Variants in SNX25 observed in about 807,000 individuals in gnomAD.
The protein encoded by SNX25 is sorting nexin-25.
A neutral mutation model predicts 113.7 loss-of-function variants in SNX25; 62 were observed. The ratio of observed to expected loss-of-function variants is 0.55; its 90% CI spans 0.44 to 0.67. The LOEUF (loss-of-function observed/expected upper bound fraction) is 0.67, where lower values mean the gene tolerates loss of function less well. Ranked by LOEUF, SNX25 falls within the 30% of genes least tolerant of loss-of-function variation. SNX25 has a pLI of 0.00. For missense variants in SNX25, 1,014 were observed against 1,161.0 expected (o/e 0.87, Z 1.84); for synonymous variants, 421 against 436.2 (o/e 0.97, Z 0.43).
At chr4:185,340,610 G>T (rs1331772484) in intron 11 of SNX25, among the ~76,000 whole-genome samples, 3 of 152,146 alleles carry the variant, frequency 2.0e-5, no homozygotes, top group African/African-American at 7.2e-5. Context: ...GAATGTAATG[G>T]CAAAAGCTGC....
chr4:185,264,339 A>T (rs1747746317), intron 3 of SNX25, 99 bp from the exon 4 acceptor site: 1 of 1,160,436 alleles, frequency 8.6e-7, no homozygotes, highest in Admixed American at 2.2e-5. Flanking sequence ...CAGTTACTAT[A>T]ACCAATGTGT....
intron 7 of SNX25, among the ~76,000 whole-genome samples, chr4:185,313,941 A>G (rs1437526333): frequency 6.6e-6 from 1 of 152,160 alleles, no homozygotes; most frequent in Non-Finnish European, 1.5e-5. Flanking sequence ...TAAGGAAGAG[A>G]AAATATTTTT....
At chr4:185,265,523 G>A (rs1353913676) in intron 4 of SNX25, among the ~76,000 whole-genome samples, 1 of 151,826 alleles carries the variant, frequency 6.6e-6, no homozygotes, top group Non-Finnish European at 1.5e-5. Flanking sequence ...ACTGGATGTT[G>A]CTCTGAGTGA....
At chr4:185,281,943 G>A (rs992660200) in intron 5 of SNX25, among the ~76,000 whole-genome samples, 2 of 152,102 alleles carry the variant, frequency 1.3e-5, no homozygotes, top group South Asian at 2.1e-4. Context: ...TTGAACCTGG[G>A]AGGTGGAAGT....
intron 1 of SNX25, among the ~76,000 whole-genome samples, chr4:185,216,669 G>A (rs906367549): frequency 4.6e-5 from 7 of 151,958 alleles, no homozygotes; most frequent in East Asian, 1.9e-4. Flanking sequence ...ATAGGCGCCC[G>A]CCACCACGCC....
At chr4:185,302,841 C>T (rs189669496) in intron 6 of SNX25, among the ~76,000 whole-genome samples, 28 of 152,324 alleles carry the variant, frequency 1.8e-4, no homozygotes, top group African/African-American at 6.7e-4. Context: ...AGTCCTTGAA[C>T]CTCCAGCACT....
At chr4:185,340,689 G>T (rs773530565) in intron 11 of SNX25, among the ~76,000 whole-genome samples, 8 of 152,084 alleles carry the variant, frequency 5.3e-5, no homozygotes, top group Non-Finnish European at 1.2e-4. Context: ...AGCTGGCCCT[G>T]ACACTTCACA....
intron 1 of SNX25, among the ~76,000 whole-genome samples, chr4:185,219,708 G>A (rs1372481394): frequency 2.6e-5 from 4 of 152,140 alleles, no homozygotes; most frequent in African/African-American, 9.7e-5. Context: ...CTGGGATCAA[G>A]CCAGGACTTT....
intron 1 of SNX25, among the ~76,000 whole-genome samples, chr4:185,233,830 C>G (rs937281652): frequency 6.6e-6 from 1 of 151,474 alleles, no homozygotes; most frequent in Non-Finnish European, 1.5e-5. Context: ...CTAATTCTTC[C>G]AATTGAATGG....
chr4:185,218,243 C>G (rs557783708), intron 1 of SNX25, among the ~76,000 whole-genome samples: 3 of 152,210 alleles, frequency 2.0e-5, no homozygotes, highest in Non-Finnish European at 4.4e-5. Flanking sequence ...CGCCATCAAG[C>G]CTGGCTAATT....
intron 5 of SNX25, among the ~76,000 whole-genome samples, chr4:185,275,285 G>T (rs533091252): frequency 6.6e-6 from 1 of 152,204 alleles, no homozygotes; most frequent in African/African-American, 2.4e-5. Flanking sequence ...GGGAATTTTA[G>T]TAATGGCTGA....
intron 5 of SNX25, among the ~76,000 whole-genome samples, chr4:185,286,124 G>GT (rs924746068): frequency 1.3e-5 from 2 of 150,216 alleles, no homozygotes; most frequent in African/African-American, 5.0e-5. Flanking sequence ...TTTGTTATGT[G>GT]TTTTTTAAAG....
intron 6 of SNX25, among the ~76,000 whole-genome samples, chr4:185,294,123 A>G (rs1560978480): frequency 6.6e-6 from 1 of 152,192 alleles, no homozygotes; most frequent in Non-Finnish European, 1.5e-5. Flanking sequence ...CTGACTTTAC[A>G]GAGGAGGGAA....
At chr4:185,338,344 C>T (rs368989734) in intron 10 of SNX25, among the ~76,000 whole-genome samples, 47 of 150,102 alleles carry the variant, frequency 3.1e-4, no homozygotes, top group African/African-American at 1.0e-3. Context: ...GGCACGATCT[C>T]GGCTCCCTGC....
In SNX25 at chr4:185,232,822, A is replaced by T. The variant is rs868411341; in HGVS notation, c.430-14472A>T. ...TACTTTAATATGTATGAACTTCAAA[A>T]TTCTCTTAGATTGGTTGTATACTTG... On this transcript the variant is annotated intron_variant, in intron 1 of 18. Coordinates refer to ENST00000652585, the MANE Select transcript of SNX25 (RefSeq NM_001378034.2). This position sits in a 1 kb window ranked among gnomAD's most constrained non-coding sequence, Gnocchi z 4.4. Among the ~76,000 whole-genome samples the T allele has an allele frequency of 2.4e-4, 37 of 152,320 alleles. No homozygotes were observed. The highest frequency in any genetic ancestry group is 8.7e-4 in the African/African-American group (36 of 41,578).
At chr4:185,346,681 G>GA (rs2095288484) in intron 13 of SNX25, 31 bp downstream of exon 13, 2 of 1,387,756 alleles carry the variant, frequency 1.4e-6, no homozygotes, top group South Asian at 2.7e-5. Context: ...GGATATGAGA[G>GA]AAAAAATTAG....
At chr4:185,307,475 GCT>G (rs1253145331) in intron 6 of SNX25, among the ~76,000 whole-genome samples, 1 of 152,140 alleles carries the variant, frequency 6.6e-6, no homozygotes, top group Non-Finnish European at 1.5e-5. Flanking sequence ...GTCCTGCTGA[GCT>G]CTCTTTGCAT....
chr4:185,253,748 C>T (rs1466868518), intron 2 of SNX25, among the ~76,000 whole-genome samples: 1 of 152,186 alleles, frequency 6.6e-6, no homozygotes, highest in Non-Finnish European at 1.5e-5. Context: ...GGATTACAGG[C>T]GTGAGCCACC....
intron 6 of SNX25, among the ~76,000 whole-genome samples, chr4:185,300,216 A>C (rs758704646): frequency 9.2e-5 from 14 of 151,596 alleles, no homozygotes; most frequent in Non-Finnish European, 1.9e-4. Flanking sequence ...CCGGAGTGCG[A>C]TGGCACGATC....
Sources: allele counts gnomAD v4.1 joint callset (sites outside exome capture counted in the v4.1 genomes callset), GRCh38; gene constraint gnomAD v4.1.1; non-coding constraint Gnocchi (gnomAD v3.1); transcripts MANE v1.5; gene names NCBI Gene and HGNC (gene_info 2026-07-23, HGNC 2026-07-21).